Variants in TNKS observed in about 807,000 individuals in gnomAD.
The protein encoded by TNKS is tankyrase, also known as poly [ADP-ribose] polymerase tankyrase-1.
In TNKS, 72 loss-of-function variants were observed where a neutral mutation model predicts 135.8. The ratio of observed to expected loss-of-function variants is 0.53; its 90% CI spans 0.44 to 0.64. The LOEUF (loss-of-function observed/expected upper bound fraction) is 0.64. TNKS is among the 30% of genes least tolerant of loss of function. The probability of loss-of-function intolerance (pLI) is 0.00; values close to 1 mark genes in which losing one functional copy is unlikely to be tolerated. For missense variants in TNKS, 1,769 were observed against 1,674.0 expected, an observed-to-expected ratio of 1.06 and a Z score of -0.99; for synonymous variants, 849 against 649.3, an observed-to-expected ratio of 1.31 and a Z score of -4.68.
intron 3 of TNKS, among the ~76,000 whole-genome samples, chr8:9,663,223 T>G (rs552031409): frequency 4.6e-5 from 7 of 152,200 alleles, no homozygotes; most frequent in Non-Finnish European, 1.0e-4. Context: ...TGGGAATAAA[T>G]GTGTGTTTTA....
chr8:9,576,201 C>T (rs7815817), intron 1 of TNKS, among the ~76,000 whole-genome samples: 40,499 of 151,990 alleles, frequency 0.27, 5,676 homozygotes, highest in East Asian at 0.38. Context: ...CTGCCCAATT[C>T]CCGAGCAAAA....
rs371535394 is a variant in TNKS, at chr8:9,734,905, C to T, written c.2354C>T (p.Thr785Ile). 53 of 1,614,040 alleles carry T rather than the reference C, an allele frequency of 3.3e-5. No homozygotes were observed. The highest frequency in any genetic ancestry group is 4.1e-5 in the Non-Finnish European group (48 of 1,180,022). The change falls in exon 16 of 27, where the codon ACA becomes ATA. Residue 785 changes from threonine to isoleucine, a missense_variant. This residue lies in a region of TNKS where 722 missense variants were observed against 688.9 expected (regional missense o/e 1.05). Coordinates refer to ENST00000310430, the MANE Select transcript of TNKS (RefSeq NM_003747.3). ...ACTAAAAAGAACAGAGATGGAAATA[C>T]ACCTTTGGATTTGGTAAAGGAAGGA... ...DPTKKNRDGN[T>I]PLDLVKEGDT...
At chr8:9,770,750 T>C (rs1278103669) in intron 26 of TNKS, among the ~76,000 whole-genome samples, 1 of 152,090 alleles carries the variant, frequency 6.6e-6, no homozygotes, top group Non-Finnish European at 1.5e-5. Flanking sequence ...GAAAACAGTA[T>C]TTTATACTGT....
chr8:9,771,996 G>T (rs915404909), intron 26 of TNKS, among the ~76,000 whole-genome samples: 3 of 114,336 alleles, frequency 2.6e-5, no homozygotes, highest in African/African-American at 1.1e-4. Context: ...AGGGAAGAAG[G>T]GATAGGCAGA....
At chr8:9,578,043 A>G (rs1371824766) in intron 1 of TNKS, among the ~76,000 whole-genome samples, 1 of 152,084 alleles carries the variant, frequency 6.6e-6, no homozygotes, top group Non-Finnish European at 1.5e-5. Context: ...TTCCAAAATA[A>G]TCTCCCTTGA....
intron 20 of TNKS, among the ~76,000 whole-genome samples, chr8:9,753,736 C>G (rs986444670): frequency 6.6e-6 from 1 of 152,140 alleles, no homozygotes; most frequent in Non-Finnish European, 1.5e-5. Context: ...AGTCCTCCAG[C>G]CAAGGAAGAT....
At chr8:9,593,527 C>G (rs1798663773) in intron 2 of TNKS, among the ~76,000 whole-genome samples, 1 of 152,104 alleles carries the variant, frequency 6.6e-6, no homozygotes, top group South Asian at 2.1e-4. Flanking sequence ...ATTTAGCAAA[C>G]TTAAGGTGGA....
At chr8:9,582,115 A>C (rs1798189883) in intron 2 of TNKS, among the ~76,000 whole-genome samples, 1 of 152,236 alleles carries the variant, frequency 6.6e-6, no homozygotes, top group Non-Finnish European at 1.5e-5. Context: ...ATGGGAGTCA[A>C]AATTGGTTGT....
intron 20 of TNKS, among the ~76,000 whole-genome samples, chr8:9,756,291 A>T (rs1806831327): frequency 6.6e-6 from 1 of 152,066 alleles, no homozygotes; most frequent in Non-Finnish European, 1.5e-5. Context: ...TTTTAAGCCC[A>T]AGCAAGAGGA....
intron 2 of TNKS, among the ~76,000 whole-genome samples, chr8:9,592,100 A>G (rs1320281933): frequency 6.6e-6 from 1 of 152,230 alleles, no homozygotes; most frequent in African/African-American, 2.4e-5. Context: ...ATAATTATCT[A>G]AAATATGCAC....
At chr8:9,572,497 C>T (rs796926309) in intron 1 of TNKS, among the ~76,000 whole-genome samples, 9 of 152,170 alleles carry the variant, frequency 5.9e-5, no homozygotes, top group East Asian at 1.9e-4. Flanking sequence ...ATCTCTCTTA[C>T]GTTTTCTCTT....
At chr8:9,623,367 CAG>C (rs1211023314) in intron 3 of TNKS, among the ~76,000 whole-genome samples, 2 of 151,686 alleles carry the variant, frequency 1.3e-5, no homozygotes, top group Non-Finnish European at 2.9e-5. Context: ...AGGCATACCT[CAG>C]AGTTAGTGCA....
chr8:9,703,659 T>A (rs1803923323), intron 5 of TNKS, among the ~76,000 whole-genome samples: 1 of 152,210 alleles, frequency 6.6e-6, no homozygotes, highest in Non-Finnish European at 1.5e-5. Context: ...AGTACAGTGT[T>A]TAGTACTTCT....
chr8:9,620,593 C>T (rs1333396987), intron 3 of TNKS, among the ~76,000 whole-genome samples: 2 of 152,180 alleles, frequency 1.3e-5, no homozygotes, highest in Non-Finnish European at 2.9e-5. Context: ...TTTATCTGAT[C>T]TTGTCTTCTA....
chr8:9,600,817 C>G (rs1176471018), intron 2 of TNKS, among the ~76,000 whole-genome samples: 4 of 152,116 alleles, frequency 2.6e-5, no homozygotes, highest in Admixed American at 6.5e-5. Context: ...GAAAGTATGA[C>G]TAAAACCCTG....
intron 3 of TNKS, among the ~76,000 whole-genome samples, chr8:9,664,043 T>C (rs997023724): frequency 9.8e-5 from 15 of 152,312 alleles, no homozygotes; most frequent in Middle Eastern, 3.4e-3. Context: ...CTGGAGACTA[T>C]CCAGGAGCCC....
At chr8:9,769,598 C>A (rs552658695) in intron 25 of TNKS, among the ~76,000 whole-genome samples, 2 of 147,364 alleles carry the variant, frequency 1.4e-5, no homozygotes, top group Non-Finnish European at 3.0e-5. Context: ...GCAAAACTTA[C>A]TGGCAGGCAT....
intron 3 of TNKS, among the ~76,000 whole-genome samples, chr8:9,646,955 A>G (rs1372686642): frequency 6.6e-6 from 1 of 152,198 alleles, no homozygotes; most frequent in African/African-American, 2.4e-5. Flanking sequence ...GGGAAATTTT[A>G]TATCCCTTAG....
rs140300840 is a variant in TNKS, at chr8:9,764,153, A to AACTT, written c.3373-561_3373-558dup. Among the ~76,000 whole-genome samples, 947 of 152,220 alleles carry AACTT rather than the reference A, an allele frequency of 6.2e-3. 6 individuals are homozygous for AACTT. Among genetic ancestry groups the AACTT allele is most frequent in the Non-Finnish European group, 9.9e-3 (670 of 68,012 alleles). ...TTTTTATTGAGTTAATTCTCTGAGA[A>AACTT]ACTTAGATCTTTAAAACATTTTTCT... On this transcript the variant is annotated intron_variant, in intron 22 of 26. Transcript: ENST00000310430.
Sources: gnomAD v4.1 joint callset for allele counts (sites outside exome capture counted in the v4.1 genomes callset) on GRCh38, gnomAD v4.1.1 for gene constraint, gnomAD v4.1.1 regional missense constraint, MANE v1.5 for transcripts, NCBI Gene and HGNC (gene_info 2026-07-23, HGNC 2026-07-21) for gene names.